RIMS2: variants seen among roughly 807,000 people sequenced by gnomAD.
RIMS2 encodes the protein regulating synaptic membrane exocytosis protein 2.
A neutral mutation model predicts 174.4 loss-of-function variants in RIMS2; 59 were observed. The ratio of observed to expected loss-of-function variants is 0.34; its 90% CI spans 0.27 to 0.42. The LOEUF (loss-of-function observed/expected upper bound fraction) is 0.42. Ranked by LOEUF, RIMS2 falls within the 10% of genes least tolerant of loss-of-function variation. The pLI is 1.00. For missense variants in RIMS2, 1,620 were observed against 1,666.3 expected (o/e 0.97, Z 0.48); for synonymous variants, 606 against 572.5 (o/e 1.06, Z -0.84).
At chr8:103,959,651 T>G (rs4570124) in intron 14 of RIMS2, among the ~76,000 whole-genome samples, 4,621 of 152,144 alleles carry the variant, frequency 0.03, 215 homozygotes, top group African/African-American at 0.1. Flanking sequence ...CTCGAATGCC[T>G]AAGCTCAGTC....
At chr8:103,863,800 ATTGT>A (rs2154502576) in intron 3 of RIMS2, among the ~76,000 whole-genome samples, 1 of 149,160 alleles carries the variant, frequency 6.7e-6, no homozygotes, top group Non-Finnish European at 1.5e-5. Context: ...ATTGTTTCTG[ATTGT>A]TCTGATTTGA....
intron 3 of RIMS2, among the ~76,000 whole-genome samples, chr8:103,809,267 T>G (rs755679918): frequency 1.1e-3 from 164 of 151,994 alleles, no homozygotes; most frequent in Non-Finnish European, 1.4e-3. Context: ...TGAATCTATT[T>G]TTTTTTTTTT....
rs182262079 is a variant in RIMS2, at chr8:103,941,671, T to A, written c.2548-1102T>A. 2.1e-4 allele frequency among the ~76,000 whole-genome samples: 32 copies of A among 152,274 alleles called. No individual in the cohort carries two copies. In the East Asian group the frequency reaches 5.6e-3, roughly 27 times the overall value. ...ACAGACTTACATTTTGGGTAAATTT[T>A]AAAAATATTCCTATTATAAAATTTA... is the stretch of plus-strand genomic sequence containing the variant. On this transcript the variant is annotated intron_variant, in intron 13 of 23. Transcript: ENST00000504942.
At chr8:103,603,780 G>C (rs1490968126) in intron 1 of RIMS2, among the ~76,000 whole-genome samples, 1 of 147,704 alleles carries the variant, frequency 6.8e-6, no homozygotes, top group East Asian at 2.0e-4. Flanking sequence ...GTGTTTTTTG[G>C]CTGCATAAAT....
At chr8:103,921,930 T>C (rs2077745940) in intron 10 of RIMS2, 146 bp downstream of exon 13, 1 of 430,838 alleles carries the variant, frequency 2.3e-6, no homozygotes, top group African/African-American at 2.1e-5. Context: ...ATTTTTGAAA[T>C]CCAATTTTGA....
rs1378374680 is a variant in RIMS2 at position 103,785,075 on chromosome 8, G to C, written c.698+18538G>C. Among the ~76,000 whole-genome samples, 8 of 141,928 alleles carry C rather than the reference G, an allele frequency of 5.6e-5. No homozygotes were observed. The East Asian group carries it at 1.4e-3, about 25-fold the overall frequency. 93.1% of individuals were successfully genotyped at this position (141,928 alleles called of 152,430 possible). ...TCATGATTTGGCTCTCTGTTTGTCT[G>C]TTATTGGTGCGTAAGAATGCTTGTG... On this transcript the variant is annotated intron_variant, in intron 3 of 23. Transcript: ENST00000504942.
chr8:104,073,168 G>T (rs907542547), intron 19 of RIMS2, among the ~76,000 whole-genome samples: 1 of 152,028 alleles, frequency 6.6e-6, no homozygotes, highest in African/African-American at 2.4e-5. Context: ...ACCCTTCTGT[G>T]AGTTATATAA....
rs557171769 is a variant in RIMS2 at position 103,711,015 on chromosome 8, G to A, written c.387+13719G>A. On this transcript the variant is annotated intron_variant, in intron 2 of 23. Transcript: ENST00000504942. ...GTGTATCACCTACTGTGGAAGGAAC[G>A]CTTTTTGGGAGTAACTGGTGTGAAT... is the stretch of plus-strand genomic sequence containing the variant. Among the ~76,000 whole-genome samples the A allele has an allele frequency of 8.5e-5, 13 of 152,284 alleles. No homozygotes were observed. The East Asian group carries it at 2.5e-3, about 29-fold the overall frequency.
At position 103,738,371 on chromosome 8, in the gene RIMS2, G is replaced by A. The variant is rs551531696; in HGVS notation, c.388-27856G>A. ...TGGATCCCTTCCTTACACCTTATAC[G>A]AAAATTAATTCAAGATGGATTAAAG... On this transcript the variant is annotated intron_variant, in intron 2 of 23. Coordinates refer to ENST00000504942, the Ensembl canonical transcript of RIMS2. Among the ~76,000 whole-genome samples the A allele has an allele frequency of 5.4e-3, 826 of 152,088 alleles. 8 individuals are homozygous for A. Among genetic ancestry groups the A allele is most frequent in the African/African-American group, 0.018 (742 of 41,506 alleles).
chr8:103,670,269 T>C (rs2096728759), intron 1 of RIMS2, among the ~76,000 whole-genome samples: 1 of 152,206 alleles, frequency 6.6e-6, no homozygotes, highest in African/African-American at 2.4e-5. Context: ...AGGGGGACCC[T>C]GGGCTGAGCC....
At chr8:104,095,147 T>C (rs1221801353) in intron 19 of RIMS2, among the ~76,000 whole-genome samples, 1 of 152,144 alleles carries the variant, frequency 6.6e-6, no homozygotes, top group African/African-American at 2.4e-5. Flanking sequence ...ACTTCTGAAG[T>C]GGCTGAAAAA....
chr8:103,659,385 G>A (rs1478963632), intron 1 of RIMS2, among the ~76,000 whole-genome samples: 1 of 152,266 alleles, frequency 6.6e-6, no homozygotes, highest in East Asian at 1.9e-4. Context: ...TCAAAGCCGA[G>A]GGCCCACCAG....
intron 1 of RIMS2, among the ~76,000 whole-genome samples, chr8:103,600,738 A>T (rs1239973114): frequency 1.3e-5 from 2 of 152,148 alleles, no homozygotes; most frequent in Non-Finnish European, 2.9e-5. Flanking sequence ...ATCATATGGT[A>T]GCTCAACATT....
chr8:103,619,419 A>G (rs542625759), intron 1 of RIMS2, among the ~76,000 whole-genome samples: 1 of 152,214 alleles, frequency 6.6e-6, no homozygotes, highest in East Asian at 1.9e-4. Context: ...AGATATTAAC[A>G]TATTTAAGAA....
Position 103,898,588 on chromosome 8 carries a change from A to T in RIMS2, c.1625-11546A>T, listed in dbSNP as rs139683893. On this transcript the variant is annotated intron_variant, in intron 4 of 23. Coordinates refer to ENST00000504942, the Ensembl canonical transcript of RIMS2. ...GCTTTTTTAGAGGGCAGACTGTTGAATTAAAAAAAGGAATATAATGTAGGC... is the reference window on the plus strand; with the variant it reads ...GCTTTTTTAGAGGGCAGACTGTTGATTTAAAAAAAGGAATATAATGTAGGC... Among the ~76,000 whole-genome samples the T allele has an allele frequency of 8.2e-4, 124 of 151,714 alleles. 1 individual carries two copies. In the East Asian group the frequency reaches 0.023, roughly 28 times the overall value.
chr8:103,870,440 A>T (rs2099105671), intron 3 of RIMS2, among the ~76,000 whole-genome samples: 1 of 151,920 alleles, frequency 6.6e-6, no homozygotes, highest in Admixed American at 6.6e-5. Flanking sequence ...AGCATTCTTT[A>T]TCACACACAT....
chr8:103,648,533 C>G (rs183299759), intron 1 of RIMS2, among the ~76,000 whole-genome samples: 6 of 152,126 alleles, frequency 3.9e-5, no homozygotes. Flanking sequence ...CTCATATTGA[C>G]AGTGGGGTGT....
intron 19 of RIMS2, among the ~76,000 whole-genome samples, chr8:104,169,321 T>C (rs1563509098): frequency 3.3e-5 from 2 of 59,952 alleles, no homozygotes; most frequent in Admixed American, 2.0e-4. Flanking sequence ...TATATATATA[T>C]ATATATATAT....
chr8:104,106,651 G>A (rs1287754792), intron 19 of RIMS2, among the ~76,000 whole-genome samples: 1 of 152,006 alleles, frequency 6.6e-6, no homozygotes, highest in East Asian at 1.9e-4. Flanking sequence ...TCATGAAATT[G>A]GAATAAATTC....
Sources: allele counts gnomAD v4.1 joint callset (sites outside exome capture counted in the v4.1 genomes callset), GRCh38; gene constraint gnomAD v4.1.1; transcripts MANE v1.5; gene names NCBI Gene and HGNC (gene_info 2026-07-23, HGNC 2026-07-21).